Variants in FCRL2 observed in about 807,000 individuals in gnomAD.
FCRL2 encodes the protein Fc receptor like 2.
In FCRL2, 48 loss-of-function variants were observed where a neutral mutation model predicts 59.8. The observed-to-expected ratio is 0.80, with a 90% CI of 0.64 to 1.02. The LOEUF (loss-of-function observed/expected upper bound fraction) is 1.02, where lower values mean the gene tolerates loss of function less well. FCRL2 is among the 50% of genes least tolerant of loss of function. The pLI, the probability that FCRL2 is intolerant of heterozygous loss-of-function variation, is 0.00. For synonymous variants in FCRL2, 251 were observed against 229.5 expected, an observed-to-expected ratio of 1.09 and a Z score of -0.85; for missense variants, 658 against 597.3, an observed-to-expected ratio of 1.10 and a Z score of -1.06.
intron 2 of FCRL2, 109 bp from the exon 3 acceptor site, chr1:157,770,775 T>C (rs1436075530): frequency 7.5e-6 from 9 of 1,202,176 alleles, no homozygotes; most frequent in Non-Finnish European, 1.0e-5. Context: ...TTAAACAAGA[T>C]GGAAGTTCCA....
chr1:157,757,961 C>T (rs1345582551), intron 7 of FCRL2, among the ~76,000 whole-genome samples: 2 of 151,764 alleles, frequency 1.3e-5, no homozygotes, highest in South Asian at 2.1e-4. Context: ...GACTGCGTCT[C>T]GAAAAAAAAG....
At chr1:157,755,296 A>T (rs1648501080) in intron 7 of FCRL2, among the ~76,000 whole-genome samples, 1 of 152,196 alleles carries the variant, frequency 6.6e-6, no homozygotes, top group Non-Finnish European at 1.5e-5. Context: ...CATAAACAGA[A>T]ACATAAATCA....
chr1:157,766,142 AT>A (rs1649474358), intron 7 of FCRL2, among the ~76,000 whole-genome samples: 2 of 152,202 alleles, frequency 1.3e-5, no homozygotes, highest in Admixed American at 6.5e-5. Context: ...CTAAAAAGAA[AT>A]GGATAAATAA....
At chr1:157,770,351 C>T in intron 3 of FCRL2, 58 bp downstream of exon 3, 7 of 1,580,864 alleles carry the variant, frequency 4.4e-6, no homozygotes, top group Non-Finnish European at 6.0e-6. Flanking sequence ...CCAGTACCCA[C>T]CCTGCCTTGC....
chr1:157,758,680 CA>C (rs59716565), intron 7 of FCRL2, among the ~76,000 whole-genome samples: 3,672 of 55,586 alleles, frequency 0.066, 66 homozygotes, highest in African/African-American at 0.21. Flanking sequence ...CAGTCCCAAG[CA>C]AAAAAAAAAA....
intron 10 of FCRL2, 114 bp from the exon 11 acceptor site, chr1:157,747,013 T>C: frequency 9.1e-7 from 1 of 1,104,708 alleles, no homozygotes; most frequent in Non-Finnish European, 1.3e-6. Flanking sequence ...AATCCCATTT[T>C]CTCCTGTTCT....
chr1:157,766,979 A>G lies in FCRL2; in HGVS notation c.1163-8T>C, dbSNP rs908771296. On this transcript the variant is annotated splice_polypyrimidine_tract_variant and splice_region_variant and intron_variant, in intron 6 of 11. Transcript: ENST00000361516. ...TTCTATAGCCATCAGGTCCTGAGGAAAGAAAGCAGTGCTTCAGCCCCAGAG... is the reference window on the plus strand; with the variant it reads ...TTCTATAGCCATCAGGTCCTGAGGAGAGAAAGCAGTGCTTCAGCCCCAGAG... 1.2e-6 allele frequency: 2 copies of G among 1,608,718 alleles called. No individual in the cohort carries two copies. Among genetic ancestry groups the G allele is most frequent in the African/African-American group, 2.7e-5 (2 of 74,642 alleles).
intron 4 of FCRL2, 198 bp from the exon 5 acceptor site, chr1:157,768,899 C>T: frequency 1.8e-6 from 1 of 563,566 alleles, no homozygotes; most frequent in East Asian, 3.0e-5. Context: ...ATGTCCTAAC[C>T]CTGGCCAATT....
chr1:157,765,791 A>G (rs1018830313), intron 7 of FCRL2, among the ~76,000 whole-genome samples: 1 of 152,202 alleles, frequency 6.6e-6, no homozygotes, highest in Non-Finnish European at 1.5e-5. Flanking sequence ...ATACCTAGGC[A>G]AGTTTGAAGC....
At chr1:157,775,586 G>T (rs963774635) in intron 2 of FCRL2, among the ~76,000 whole-genome samples, 189 bp downstream of exon 2, 1 of 152,206 alleles carries the variant, frequency 6.6e-6, no homozygotes, top group Admixed American at 6.5e-5. Context: ...AAGGCTAGGT[G>T]GTACCTGGTC....
At chr1:157,765,551 C>A (rs772299346) in intron 7 of FCRL2, among the ~76,000 whole-genome samples, 1 of 152,148 alleles carries the variant, frequency 6.6e-6, no homozygotes, top group Non-Finnish European at 1.5e-5. Flanking sequence ...CAACAAAAGA[C>A]GAGAAGGGGC....
chr1:157,766,707 A>C (rs184889334), intron 7 of FCRL2, 148 bp downstream of exon 7: 1 of 1,336,698 alleles, frequency 7.5e-7, no homozygotes, highest in Admixed American at 2.5e-5. Context: ...TGAGCATTGC[A>C]CAGAGCCTTG....
intron 7 of FCRL2, among the ~76,000 whole-genome samples, chr1:157,752,702 C>T (rs986399982): frequency 6.6e-6 from 1 of 152,148 alleles, no homozygotes; most frequent in African/African-American, 2.4e-5. Flanking sequence ...TAATCAATAT[C>T]TCAGGAGTAA....
Position 157,769,871 on chromosome 1 carries a change from A to C in FCRL2, c.590T>G (p.Val197Gly). The C allele has an allele frequency of 1.2e-6, 2 of 1,613,762 alleles. No individual in the cohort carries two copies. The highest frequency in any genetic ancestry group is 1.7e-6 in the Non-Finnish European group (2 of 1,179,718). ...TCAGCCTCACTGATACTTGCTCTGC[A>C]CGTGAATCTGGGATTGGAGGCTCTG... ...RKQSLQSQIH[V>G]QRIPISNVSL... is the part of the protein sequence containing the mutation. Residue 197 changes from valine (V) to glycine (G), a missense_variant, in exon 4 of 12, where the codon GTG becomes GGG. Transcript: ENST00000361516.
intron 7 of FCRL2, among the ~76,000 whole-genome samples, chr1:157,760,238 T>C (rs12408952): frequency 0.2 from 30,698 of 151,952 alleles, 3,288 homozygotes; most frequent in Non-Finnish European, 0.24. Context: ...GAGCTAAACG[T>C]TGAGTGCATA....
intron 2 of FCRL2, among the ~76,000 whole-genome samples, chr1:157,774,067 T>G (rs1427614666): frequency 6.6e-6 from 1 of 152,202 alleles, no homozygotes; most frequent in Non-Finnish European, 1.5e-5. Context: ...AGAATTTCAG[T>G]GAAAAATATC....
At chr1:157,775,752 CA>C (rs1557873393) in intron 2 of FCRL2, 22 bp downstream of exon 2, 1 of 1,613,880 alleles carries the variant, frequency 6.2e-7, no homozygotes, top group East Asian at 2.2e-5. Context: ...AGACCAAGAA[CA>C]ACAAAGACAA....
intron 2 of FCRL2, among the ~76,000 whole-genome samples, 163 bp downstream of exon 2, chr1:157,775,612 T>C (rs2101775703): frequency 6.6e-6 from 1 of 152,306 alleles, no homozygotes; most frequent in East Asian, 1.9e-4. Context: ...GACATGCAAG[T>C]GGTGTTGGAA....
At position 157,748,856 on chromosome 1, in the gene FCRL2, T is replaced by C. The variant is rs376557445; in HGVS notation, c.1393+19A>G. 9 of 1,610,450 alleles carry C rather than the reference T, an allele frequency of 5.6e-6. No individual in the cohort carries two copies. Among genetic ancestry groups the C allele is most frequent in the Non-Finnish European group, 7.6e-6 (9 of 1,177,382 alleles). Reference sequence around the variant, plus strand: ...TTTTCTGACTCAGCCTCAGAGCCCTTCCCAGTGGAGACACTCACCATTGAC... The same window carrying C: ...TTTTCTGACTCAGCCTCAGAGCCCTCCCCAGTGGAGACACTCACCATTGAC... On this transcript the variant is annotated intron_variant, in intron 9 of 11. Coordinates refer to ENST00000361516, the MANE Select transcript of FCRL2 (RefSeq NM_030764.4).
Sources: gnomAD v4.1 joint callset for allele counts (sites outside exome capture counted in the v4.1 genomes callset) on GRCh38, gnomAD v4.1.1 for gene constraint, MANE v1.5 for transcripts, NCBI Gene and HGNC (gene_info 2026-07-23, HGNC 2026-07-21) for gene names.